LAMC2: variants seen among roughly 807,000 people sequenced by gnomAD.
LAMC2 encodes the protein laminin subunit gamma-2.
Under a neutral mutation model 140.2 loss-of-function variants are expected in LAMC2, and 97 were observed. That is an observed-to-expected ratio of 0.69 (90% CI 0.59 to 0.82). The LOEUF is 0.82. LAMC2 is among the 40% of genes least tolerant of loss of function. The probability of loss-of-function intolerance (pLI) is 0.00; values close to 1 mark genes in which losing one functional copy is unlikely to be tolerated. For missense variants in LAMC2, 1,402 were observed against 1,476.1 expected (o/e 0.95, Z 0.82); for synonymous variants, 513 against 540.2 (o/e 0.95, Z 0.70).
chr1:183,238,233 A>C, intron 18 of LAMC2, 74 bp from the exon 19 acceptor site: 13 of 1,052,254 alleles, frequency 1.2e-5, no homozygotes, highest in Non-Finnish European at 1.8e-5. Context: ...GCTGTCATGA[A>C]GAGAAATGTG....
Position 183,215,437 on chromosome 1 carries a change from A to C in LAMC2, c.269-16A>C. 6.2e-7 allele frequency: 1 copy of C among 1,613,566 alleles called. No homozygotes were observed. The highest frequency in any genetic ancestry group is 8.5e-7 in the Non-Finnish European group (1 of 1,179,882). ...TTCTTCTTCTTCTTTCCTTTCCCCT[A>C]CCTTGTGGGTTTCAGGTTCTCTTAG... On this transcript the variant is annotated splice_polypyrimidine_tract_variant and intron_variant, in intron 2 of 22. Transcript: ENST00000264144.
rs564740740 is a variant in LAMC2 at position 183,244,798 on chromosome 1, C to T, written c.*1398C>T. ...CACCAGTGGGAATTGCTGGAGGAAC[C>T]AGAGGCACTTCCACCTTGGCTGGGA... On this transcript the variant is annotated 3_prime_UTR_variant, in exon 23 of 23. Transcript: ENST00000264144. 2.3e-3 allele frequency: 348 copies of T among 152,736 alleles called. No homozygotes were observed. Among genetic ancestry groups the T allele is most frequent in the Non-Finnish European group, 3.6e-3 (247 of 68,034 alleles). 9.5% of individuals were successfully genotyped at this position (152,736 alleles called of 1,614,324 possible). A position where few individuals can be genotyped will look rare whatever the true frequency, so the allele number is the denominator to read the frequency against.
the LAMC2 span, among the ~76,000 whole-genome samples, chr1:183,255,384 T>G: frequency 6.6e-6 from 1 of 152,312 alleles, no homozygotes; most frequent in African/African-American, 2.4e-5. Context: ...ATAATTGCTT[T>G]GGCTATTCAG....
At chr1:183,258,106 C>G in the LAMC2 span, among the ~76,000 whole-genome samples, 336 of 152,314 alleles carry the variant, frequency 2.2e-3, 2 homozygotes, top group African/African-American at 7.7e-3. Context: ...TTCCTTCCTA[C>G]AGGAGCCCAT....
the LAMC2 span, chr1:183,252,587 CAG>C: frequency 8.1e-6 from 10 of 1,227,778 alleles, no homozygotes; most frequent in African/African-American, 4.4e-5. Context: ...AGGAGAGAAA[CAG>C]GGGGCTGACA....
At chr1:183,199,380 A>T (rs907630672) in intron 1 of LAMC2, among the ~76,000 whole-genome samples, 1 of 151,366 alleles carries the variant, frequency 6.6e-6, no homozygotes, top group Non-Finnish European at 1.5e-5. Context: ...GGGATTACAG[A>T]CTTTTCTTAG....
rs780708926 is a variant in LAMC2, at chr1:183,232,357, A to G, written c.2014+14A>G. 3.7e-6 allele frequency: 6 copies of G among 1,613,782 alleles called. No individual in the cohort carries two copies. The East Asian group carries it at 1.1e-4, about 30-fold the overall frequency. Reference sequence around the variant, plus strand: ...AGATTTCAGAAGGTGATGAAGGCCAACTTCCCTTCAGACAGAAGAGAATTC... The same window carrying G: ...AGATTTCAGAAGGTGATGAAGGCCAGCTTCCCTTCAGACAGAAGAGAATTC... On this transcript the variant is annotated intron_variant, in intron 13 of 22. Coordinates refer to ENST00000264144, the MANE Select transcript of LAMC2 (RefSeq NM_005562.3).
rs1658933500 is a variant in LAMC2, at chr1:183,207,741, C to A, written c.80-140C>A. 1.2e-5 allele frequency: 9 copies of A among 757,558 alleles called. No homozygotes were observed. In the South Asian group the frequency reaches 1.5e-4, roughly 12 times the overall value. The allele number at this position is 757,558 out of a possible 1,614,324, so 46.9% of individuals were successfully genotyped here. ...TGCACTGCCAATTGCACTCCCATATCTTCCTCCCGCAAGGAGTGTAGGTTA... is the reference window on the plus strand; with the variant it reads ...TGCACTGCCAATTGCACTCCCATATATTCCTCCCGCAAGGAGTGTAGGTTA... On this transcript the variant is annotated intron_variant, in intron 1 of 22. Transcript: ENST00000264144.
rs142335339 is a variant in LAMC2 at position 183,218,478 on chromosome 1, C to T, written c.493C>T (p.Arg165Cys). The change falls in exon 4 of 23, where the codon CGC becomes TGC. Residue 165 changes from arginine to cysteine, a missense_variant. By Grantham distance (180) the Arg-to-Cys change is radical. Around this residue, in one of 3 missense-constraint regions of LAMC2, gnomAD observed 723 missense variants for 783.3 expected, o/e 0.92. Transcript: ENST00000264144. ...CTGCAAGCCAGCTGTCACTGGAGAA[C>T]GCTGTGATAGGTCTGTGTGAACCGT... ...CVCKPAVTGERCDRCRSGYYN... is the reference protein window; with the variant it reads ...CVCKPAVTGECCDRCRSGYYN... 3.4e-3 allele frequency: 5,482 copies of T among 1,612,530 alleles called. 12 individuals carry two copies. The highest frequency in any genetic ancestry group is 4.3e-3 in the Non-Finnish European group (5,072 of 1,178,732).
At chr1:183,234,238 T>C (rs537827499) in intron 14 of LAMC2, 129 bp from the exon 15 acceptor site, 24 of 728,722 alleles carry the variant, frequency 3.3e-5, no homozygotes, top group Non-Finnish European at 6.1e-5. Flanking sequence ...ATGGTGTAAG[T>C]GTCAGGGTGT....
the LAMC2 span, among the ~76,000 whole-genome samples, chr1:183,255,217 GT>G: frequency 6.6e-6 from 1 of 152,226 alleles, no homozygotes; most frequent in East Asian, 1.9e-4. Flanking sequence ...TCAAAAATCA[GT>G]TGACCATATA....
chr1:183,195,097 C>G (rs1658472883), intron 1 of LAMC2, among the ~76,000 whole-genome samples: 1 of 152,202 alleles, frequency 6.6e-6, no homozygotes, highest in Non-Finnish European at 1.5e-5. Flanking sequence ...CCTTTACCCT[C>G]CACTCCTTTG....
chr1:183,200,115 G>A (rs918365454), intron 1 of LAMC2, among the ~76,000 whole-genome samples: 1 of 152,202 alleles, frequency 6.6e-6, no homozygotes, highest in African/African-American at 2.4e-5. Flanking sequence ...AGAGGGCCGG[G>A]CGCGGTGGCT....
Position 183,240,323 on chromosome 1 carries a change from G to T in LAMC2, c.3260G>T (p.Arg1087Ile). ...ACAGAAGCCCAGAAGGTTGATACCA[G>T]AGCCAAGAACGCTGGGGTTACAATC... Reference protein sequence around the residue: ...VITEAQKVDTRAKNAGVTIQD... With the variant: ...VITEAQKVDTIAKNAGVTIQD... The change falls in exon 22 of 23, where the codon AGA becomes ATA. Residue 1087 changes from arginine (R) to isoleucine (I), a missense_variant. Arg to Ile is a moderately conservative substitution (Grantham distance 97, BLOSUM62 -3). Coordinates refer to ENST00000264144, the MANE Select transcript of LAMC2 (RefSeq NM_005562.3). The T allele has an allele frequency of 6.2e-7, 1 of 1,614,220 alleles. No individual in the cohort carries two copies. Among genetic ancestry groups the T allele is most frequent in the Non-Finnish European group, 8.5e-7 (1 of 1,180,044 alleles).
intron 19 of LAMC2, 30 bp downstream of exon 19, chr1:183,238,451 G>A (rs764020184): frequency 2.1e-6 from 3 of 1,449,026 alleles, no homozygotes; most frequent in Admixed American, 3.3e-5. Flanking sequence ...GGTCACTTGA[G>A]TATTTTAAGT....
chr1:183,234,066 T>C (rs1359519669), intron 14 of LAMC2, among the ~76,000 whole-genome samples: 1 of 152,076 alleles, frequency 6.6e-6, no homozygotes, highest in Non-Finnish European at 1.5e-5. Flanking sequence ...ATTGCATTTT[T>C]AGAAGGGACG....
rs573352978 is a variant in LAMC2, at chr1:183,223,037, G to A, written c.764-98G>A. On this transcript the variant is annotated intron_variant, in intron 6 of 22. Coordinates refer to ENST00000264144, the MANE Select transcript of LAMC2 (RefSeq NM_005562.3). Reference sequence around the variant, plus strand: ...AGGAGTTTTGGGGCAGCATGACACAGGACTTCAACAGAAATTGCCGACACC... The same window carrying A: ...AGGAGTTTTGGGGCAGCATGACACAAGACTTCAACAGAAATTGCCGACACC... 5.6e-6 allele frequency: 6 copies of A among 1,074,184 alleles called. No individual in the cohort carries two copies. The African/African-American group carries it at 7.9e-5, about 14-fold the overall frequency. 66.5% of individuals were successfully genotyped at this position (1,074,184 alleles called of 1,614,324 possible). A position where few individuals can be genotyped will look rare whatever the true frequency, so the allele number is the denominator to read the frequency against.
At chr1:183,245,457 C>T (rs945380126), downstream of LAMC2, among the ~76,000 whole-genome samples, 20 of 152,218 alleles carry the variant, frequency 1.3e-4, no homozygotes, top group African/African-American at 4.8e-4. Flanking sequence ...CCAGACTCCA[C>T]AGTCATTTCA....
intron 1 of LAMC2, among the ~76,000 whole-genome samples, chr1:183,191,329 G>A (rs1658323780): frequency 6.6e-6 from 1 of 152,122 alleles, no homozygotes. Context: ...GTTCTAAACT[G>A]GGGGCAGCCA....
Sources: allele counts gnomAD v4.1 joint callset (sites outside exome capture counted in the v4.1 genomes callset), GRCh38; gene constraint gnomAD v4.1.1; regional missense constraint gnomAD v4.1.1; transcripts MANE v1.5; gene names NCBI Gene and HGNC (gene_info 2026-07-23, HGNC 2026-07-21).